The following SPEF2 variants were observed in gnomAD, a reference collection of about 807,000 sequenced individuals.
SPEF2 encodes sperm flagellar and cilia associated 2.
In SPEF2, 187 loss-of-function variants were observed where a neutral mutation model predicts 224.6. The ratio of observed to expected loss-of-function variants is 0.83; its 90% CI spans 0.74 to 0.94. The LOEUF (loss-of-function observed/expected upper bound fraction) is 0.94. Among genes scored for constraint, SPEF2 ranks in the 40% least tolerant of loss-of-function variants. The pLI, the probability that SPEF2 is intolerant of heterozygous loss-of-function variation, is 0.00. For synonymous variants in SPEF2, 715 were observed against 707.3 expected (o/e 1.01, Z -0.17); for missense variants, 2,170 against 2,135.6 (o/e 1.02, Z -0.32).
intron 23 of SPEF2, among the ~76,000 whole-genome samples, chr5:35,744,071 T>C (rs1389926901): frequency 6.6e-6 from 1 of 152,222 alleles, no homozygotes; most frequent in East Asian, 1.9e-4. Flanking sequence ...CTGATATCAA[T>C]ACCATAAACC....
intron 23 of SPEF2, among the ~76,000 whole-genome samples, chr5:35,745,485 G>A (rs1402467161): frequency 2.0e-5 from 3 of 152,214 alleles, no homozygotes; most frequent in East Asian, 3.9e-4. Context: ...GCAGAGGCCC[G>A]GTGGGAGTGA....
Position 35,641,425 on chromosome 5 carries a change from G to C in SPEF2, c.162-6G>C. 2 of 1,609,964 alleles carry C rather than the reference G, an allele frequency of 1.2e-6. No homozygotes were observed. Among genetic ancestry groups the C allele is most frequent in the South Asian group, 2.2e-5 (2 of 90,292 alleles). ...GTCTAATTATGTAAAATATTTTACTGTCCAGGGTTTCAAGTGCCAAACTTA... is the reference window on the plus strand; with the variant it reads ...GTCTAATTATGTAAAATATTTTACTCTCCAGGGTTTCAAGTGCCAAACTTA... On this transcript the variant is annotated splice_region_variant and splice_polypyrimidine_tract_variant and intron_variant, in intron 2 of 36. Coordinates refer to ENST00000356031, the MANE Select transcript of SPEF2 (RefSeq NM_024867.4).
chr5:35,725,846 G>T (rs1481691925), intron 20 of SPEF2, among the ~76,000 whole-genome samples: 1 of 151,876 alleles, frequency 6.6e-6, no homozygotes, highest in Non-Finnish European at 1.5e-5. Context: ...ATACTATCAG[G>T]TTCTTACAAC....
chr5:35,620,928 C>T (rs1029012736), intron 1 of SPEF2, among the ~76,000 whole-genome samples: 1 of 152,048 alleles, frequency 6.6e-6, no homozygotes, highest in Non-Finnish European at 1.5e-5. Context: ...TTATGGTTTG[C>T]GTAAGTGTAG....
In SPEF2 at chr5:35,807,143, A is replaced by C; in HGVS notation, c.5269A>C (p.Thr1757Pro). ...TTCTTCCTTAAAGGGCTTCATAAAA[A>C]CATTTCAAGACCTAGGTGCCAAGAA... ...ENIYAEGFIK[T>P]FQDLGAKNLE... is the part of the protein sequence containing the mutation. The change falls in exon 36 of 37, where the codon ACA becomes CCA. Residue 1757 changes from threonine (T) to proline (P), a missense_variant. Physicochemically the swap from Thr to Pro is conservative, Grantham distance 38. Coordinates refer to ENST00000356031, the MANE Select transcript of SPEF2 (RefSeq NM_024867.4). 6.2e-7 allele frequency: 1 copy of C among 1,611,636 alleles called. No individual in the cohort carries two copies. Among genetic ancestry groups the C allele is most frequent in the Non-Finnish European group, 8.5e-7 (1 of 1,179,498 alleles).
chr5:35,706,050 A>T (rs573297421), intron 18 of SPEF2, among the ~76,000 whole-genome samples: 3 of 127,068 alleles, frequency 2.4e-5, no homozygotes, highest in East Asian at 4.1e-4. Flanking sequence ...GTTTTCACAT[A>T]AAAAAAAAAC....
At chr5:35,620,359 A>T (rs1277540738) in intron 1 of SPEF2, among the ~76,000 whole-genome samples, 1 of 152,158 alleles carries the variant, frequency 6.6e-6, no homozygotes, top group African/African-American at 2.4e-5. Flanking sequence ...TGGAGGTTAG[A>T]CTGCTTGGAA....
At chr5:35,661,183 A>T (rs1749632568) in intron 8 of SPEF2, among the ~76,000 whole-genome samples, 1 of 146,722 alleles carries the variant, frequency 6.8e-6, no homozygotes, top group Non-Finnish European at 1.5e-5. Flanking sequence ...AACAAAATCC[A>T]TTTTATTCCC....
At chr5:35,637,192 C>T (rs1488983772) in intron 2 of SPEF2, among the ~76,000 whole-genome samples, 1 of 152,118 alleles carries the variant, frequency 6.6e-6, no homozygotes, top group African/African-American at 2.4e-5. Flanking sequence ...ACAAAAAGCT[C>T]TCTTTTCCTA....
chr5:35,729,940 G>GT lies in SPEF2; in HGVS notation c.3063+2118dup, dbSNP rs1308726381. ...GAGGCCTCCCCAGCCATGTGGAACTGTAAGTCCAATTAAACCTTTTTCTTC... is the reference window on the plus strand; with the variant it reads ...GAGGCCTCCCCAGCCATGTGGAACTGTTAAGTCCAATTAAACCTTTTTCTTC... On this transcript the variant is annotated intron_variant, in intron 21 of 36. Transcript: ENST00000356031. 2.6e-5 allele frequency among the ~76,000 whole-genome samples: 4 copies of GT among 152,278 alleles called. No individual in the cohort carries two copies. In the East Asian group the frequency reaches 7.7e-4, roughly 29 times the overall value.
chr5:35,799,133 C>T (rs1249270629), intron 33 of SPEF2, among the ~76,000 whole-genome samples: 1 of 152,206 alleles, frequency 6.6e-6, no homozygotes, highest in Non-Finnish European at 1.5e-5. Flanking sequence ...CATGCAGATC[C>T]TTAGAAGGTC....
At chr5:35,764,811 C>G (rs1561328457) in intron 26 of SPEF2, 2 of 437,238 alleles carry the variant, frequency 4.6e-6, no homozygotes, top group Admixed American at 2.6e-5. Context: ...CTTCCTCCCT[C>G]TCTTTCTTTT....
chr5:35,710,761 C>CT, intron 19 of SPEF2: 2 of 985,210 alleles, frequency 2.0e-6, no homozygotes, highest in Non-Finnish European at 2.4e-6. Flanking sequence ...CCAGCTCAGT[C>CT]TTTAAGTTTC....
At chr5:35,619,840 T>G (rs1774376641) in intron 1 of SPEF2, among the ~76,000 whole-genome samples, 3 of 152,154 alleles carry the variant, frequency 2.0e-5, no homozygotes, top group Admixed American at 2.0e-4. Context: ...TTTTAATTAG[T>G]TTTGGGAATT....
intron 1 of SPEF2, among the ~76,000 whole-genome samples, 155 bp downstream of exon 1, chr5:35,618,210 G>T (rs556143631): frequency 6.6e-6 from 1 of 152,288 alleles, no homozygotes; most frequent in South Asian, 2.1e-4. Context: ...TGAGCAACTC[G>T]GCTCGGCGGT....
At chr5:35,785,253 G>A (rs1754934537) in intron 30 of SPEF2, among the ~76,000 whole-genome samples, 1 of 152,158 alleles carries the variant, frequency 6.6e-6, no homozygotes, top group Non-Finnish European at 1.5e-5. Context: ...CACCAGATCA[G>A]ATTCAGATCA....
At chr5:35,622,139 G>T (rs1020538588) in intron 1 of SPEF2, among the ~76,000 whole-genome samples, 1 of 152,100 alleles carries the variant, frequency 6.6e-6, no homozygotes, top group Non-Finnish European at 1.5e-5. Context: ...TATGCTCCTT[G>T]TTAATTGGGT....
Position 35,795,682 on chromosome 5 carries a change from T to C in SPEF2, c.4738-21T>C, listed in dbSNP as rs755457031. On this transcript the variant is annotated intron_variant, in intron 32 of 36. Transcript: ENST00000356031. The stretch of plus-strand genomic sequence containing the variant: ...AGCAAAATACATACTTTAACAATTT[T>C]CATTTTTATTTTTTATGTAGGCTGG... 3 of 1,602,180 alleles carry C rather than the reference T, an allele frequency of 1.9e-6. No homozygotes were observed. The South Asian group carries it at 3.3e-5, about 18-fold the overall frequency.
In SPEF2 at chr5:35,695,853, G is replaced by C. The variant is rs1755236129; in HGVS notation, c.2037+57G>C. On this transcript the variant is annotated intron_variant, in intron 14 of 36. Coordinates refer to ENST00000356031, the MANE Select transcript of SPEF2 (RefSeq NM_024867.4). ...CATATTAAAACCTGTCATGATTAATGGTGTTTTGGAGTGTCTTCGAATGCA... is the reference window on the plus strand; with the variant it reads ...CATATTAAAACCTGTCATGATTAATCGTGTTTTGGAGTGTCTTCGAATGCA... The C allele has an allele frequency of 2.2e-6, 3 of 1,376,634 alleles. No homozygotes were observed. The Admixed American group carries it at 6.1e-5, about 28-fold the overall frequency. 85.3% of individuals were successfully genotyped at this position (1,376,634 alleles called of 1,614,324 possible). A position where few individuals can be genotyped will look rare whatever the true frequency, so the allele number is the denominator to read the frequency against.
Sources: allele counts gnomAD v4.1 joint callset (sites outside exome capture counted in the v4.1 genomes callset), GRCh38; gene constraint gnomAD v4.1.1; transcripts MANE v1.5; gene names NCBI Gene and HGNC (gene_info 2026-07-23, HGNC 2026-07-21).